The following DEAF1 variants were observed in gnomAD, a reference collection of about 807,000 sequenced individuals.
DEAF1 encodes deformed epidermal autoregulatory factor 1 homolog.
DEAF1 carries 53 observed loss-of-function variants against 58.9 expected under a neutral mutation model. The observed-to-expected ratio is 0.90, with a 90% CI of 0.72 to 1.13. The LOEUF is 1.13. DEAF1 is among the 50% of genes most tolerant of loss of function. DEAF1 has a pLI of 0.00. For missense variants in DEAF1, 685 were observed against 791.4 expected, an observed-to-expected ratio of 0.87 and a Z score of 1.61; for synonymous variants, 385 against 340.4, an observed-to-expected ratio of 1.13 and a Z score of -1.44.
At chr11:676,468 G>A (rs575086898) in intron 9 of DEAF1, among the ~76,000 whole-genome samples, 1 of 151,062 alleles carries the variant, frequency 6.6e-6, no homozygotes, top group African/African-American at 2.4e-5. Context: ...GAATGCGGCT[G>A]CTGGACCCTG....
intron 11 of DEAF1, among the ~76,000 whole-genome samples, chr11:648,206 T>A (rs962324464): frequency 2.0e-5 from 3 of 151,430 alleles, no homozygotes; most frequent in African/African-American, 7.3e-5. Context: ...CTTTTTTTTT[T>A]TTTTTTGAGA....
intron 1 of DEAF1, chr11:703,284 C>T: frequency 7.0e-7 from 1 of 1,438,390 alleles, no homozygotes; most frequent in Middle Eastern, 1.9e-4. Context: ...TTGGATGGTT[C>T]CATCTGTTCT....
intron 2 of DEAF1, chr11:689,868 G>T (rs1253316368): frequency 2.0e-5 from 3 of 152,148 alleles, no homozygotes; most frequent in Admixed American, 2.0e-4. Context: ...GCTCCATGAC[G>T]TCAGCACGTT....
intron 1 of DEAF1, among the ~76,000 whole-genome samples, chr11:693,243 A>T (rs1860914135): frequency 6.6e-6 from 1 of 152,242 alleles, no homozygotes; most frequent in South Asian, 2.1e-4. Context: ...CAAAAATGAC[A>T]AAAACCTGAA....
Position 688,023 on chromosome 11 carries a change from G to T in DEAF1, c.552C>A (p.Gly184=). The T allele has an allele frequency of 1.2e-6, 2 of 1,614,028 alleles. No homozygotes were observed. Among genetic ancestry groups the T allele is most frequent in the Non-Finnish European group, 1.7e-6 (2 of 1,180,012 alleles). Residue 184 remains glycine, a synonymous_variant, in exon 4 of 12, where the codon GGC becomes GGA. Transcript: ENST00000382409. The surrounding 1 kb of genome is among the most constrained non-coding windows in gnomAD (Gnocchi z 4.3). The part of the protein sequence containing the change: ...PQSPPTPLAP[G]QEKGGTKYNW... Reference sequence around the variant, plus strand: ...TGTATTTAGTTCCACCTTTTTCTTGGCCGGGAGCCAGAGGGGTTGGAGGAG... The same window carrying T: ...TGTATTTAGTTCCACCTTTTTCTTGTCCGGGAGCCAGAGGGGTTGGAGGAG...
At chr11:655,467 G>A (rs1459257948) in intron 10 of DEAF1, among the ~76,000 whole-genome samples, 3 of 152,254 alleles carry the variant, frequency 2.0e-5, no homozygotes, top group Admixed American at 6.5e-5. Context: ...TCTCTGAGAC[G>A]GAGAAGACCA....
intron 6 of DEAF1, among the ~76,000 whole-genome samples, chr11:683,666 CT>C (rs1158884718): frequency 1.3e-5 from 2 of 152,120 alleles, no homozygotes; most frequent in Non-Finnish European, 2.9e-5. Context: ...AAAAAGAATC[CT>C]GCTGGGATTT....
chr11:681,765 C>G (rs1481811346), intron 6 of DEAF1, among the ~76,000 whole-genome samples: 1 of 152,092 alleles, frequency 6.6e-6, no homozygotes, highest in African/African-American at 2.4e-5. Flanking sequence ...AGTGAGGAGA[C>G]AGTGTCTTCA....
At chr11:649,109 G>C (rs1397327114) in intron 11 of DEAF1, among the ~76,000 whole-genome samples, 1 of 152,086 alleles carries the variant, frequency 6.6e-6, no homozygotes, top group African/African-American at 2.4e-5. Flanking sequence ...AAATTAGCCT[G>C]GCATGGTGGT....
chr11:656,585 G>A (rs1278722596), intron 10 of DEAF1, among the ~76,000 whole-genome samples: 1 of 152,256 alleles, frequency 6.6e-6, no homozygotes, highest in African/African-American at 2.4e-5. Context: ...CCCTGGTCCA[G>A]CCCCTCACAG....
intron 10 of DEAF1, among the ~76,000 whole-genome samples, chr11:657,803 C>T (rs73402989): frequency 8.5e-5 from 13 of 152,244 alleles, no homozygotes; most frequent in African/African-American, 3.1e-4. Context: ...CCTGGCCAGG[C>T]CCTCTCAGAA....
At chr11:650,986 GGAGTCT>G (rs1450642568) in intron 11 of DEAF1, among the ~76,000 whole-genome samples, 2 of 150,746 alleles carry the variant, frequency 1.3e-5, no homozygotes, top group African/African-American at 4.9e-5. Context: ...TTTTTGAGAT[GGAGTCT>G]CGCTCTGTTG....
intron 5 of DEAF1, 43 bp downstream of exon 5, chr11:686,815 G>A (rs531694230): frequency 2.7e-5 from 44 of 1,613,020 alleles, no homozygotes; most frequent in Admixed American, 2.2e-4. Flanking sequence ...AGGGCCCCAC[G>A]TCTGAACTGT....
upstream of DEAF1, chr11:697,473 G>C (rs1042954034): frequency 6.6e-6 from 1 of 152,208 alleles, no homozygotes. Context: ...GGAATTGTTA[G>C]AACAGCGTAT....
At chr11:703,332 G>A (rs1193420824) in intron 1 of DEAF1, 74 of 1,404,278 alleles carry the variant, frequency 5.3e-5, no homozygotes, top group Non-Finnish European at 6.9e-5. Flanking sequence ...AGAACAAACT[G>A]CTGGAGGCCC....
intron 9 of DEAF1, among the ~76,000 whole-genome samples, chr11:677,487 G>C (rs1860133759): frequency 9.5e-6 from 1 of 105,508 alleles, no homozygotes; most frequent in African/African-American, 2.9e-5. Flanking sequence ...GATGGAAAGA[G>C]TTTAGATAGG....
At chr11:670,771 GTTTTTGTTTTTTTT>G (rs1297666855) in intron 10 of DEAF1, among the ~76,000 whole-genome samples, 1 of 45,290 alleles carries the variant, frequency 2.2e-5, no homozygotes, top group Non-Finnish European at 4.6e-5. Context: ...TTTTCTTTTT[GTTTTTGTTTTTTTT>G]TTTTTTTTTT....
At chr11:657,765 G>T (rs1157753316) in intron 10 of DEAF1, among the ~76,000 whole-genome samples, 3 of 152,180 alleles carry the variant, frequency 2.0e-5, no homozygotes, top group African/African-American at 7.2e-5. Context: ...CACAAGACAA[G>T]CCTGGATCGG....
upstream of DEAF1, among the ~76,000 whole-genome samples, chr11:698,161 G>T (rs546333249): frequency 6.6e-6 from 1 of 152,342 alleles, no homozygotes; most frequent in South Asian, 2.1e-4. Context: ...CGTGCAACTG[G>T]CCTGAGCCCT....
Sources: allele counts gnomAD v4.1 joint callset (sites outside exome capture counted in the v4.1 genomes callset), GRCh38; gene constraint gnomAD v4.1.1; non-coding constraint Gnocchi (gnomAD v3.1); transcripts MANE v1.5; gene names NCBI Gene and HGNC (gene_info 2026-07-23, HGNC 2026-07-21).